EFNA3: variants seen among roughly 807,000 people sequenced by gnomAD.
The protein encoded by EFNA3 is ephrin-A3.
In EFNA3, 15 loss-of-function variants were observed where a neutral mutation model predicts 25.0. That is an observed-to-expected ratio of 0.60 (90% CI 0.40 to 0.92). EFNA3 has a LOEUF of 0.92. Among genes scored for constraint, EFNA3 ranks in the 40% least tolerant of loss-of-function variants. The pLI is 0.00. For missense variants in EFNA3, 298 were observed against 323.8 expected, an observed-to-expected ratio of 0.92 and a Z score of 0.61; for synonymous variants, 153 against 145.6, an observed-to-expected ratio of 1.05 and a Z score of -0.37.
At position 155,080,448 on chromosome 1, in the gene EFNA3, C is replaced by T. The variant is rs1291728159; in HGVS notation, c.128+1379C>T. On this transcript the variant is annotated intron_variant, in intron 1 of 4. Coordinates refer to ENST00000368408, the MANE Select transcript of EFNA3 (RefSeq NM_004952.5). The surrounding 1 kb of genome is among the most constrained non-coding windows in gnomAD (Gnocchi z 7.0). ...GGGTGGGGACGTGGCCCCTCCCCCC[C>T]GGAGCGGGACTCCAAGAACTCCGGG... Among the ~76,000 whole-genome samples, 2 of 152,188 alleles carry T rather than the reference C, an allele frequency of 1.3e-5. No homozygotes were observed. Among genetic ancestry groups the T allele is most frequent in the South Asian group, 2.1e-4 (1 of 4,826 alleles).
rs896982151 is a variant in EFNA3, at chr1:155,081,784, CTG to C, written c.128+2719_128+2720del. Among the ~76,000 whole-genome samples the C allele has an allele frequency of 1.7e-3, 256 of 152,332 alleles. 1 individual carries two copies. Among genetic ancestry groups the C allele is most frequent in the African/African-American group, 6.0e-3 (249 of 41,574 alleles). ...TCTCGGTTTCTGCGTCTCTCTCGCACTGTGTCTCCCTTCCTTTCCCCTTTCAG... is the reference window on the plus strand; with the variant it reads ...TCTCGGTTTCTGCGTCTCTCTCGCACTGTCTCCCTTCCTTTCCCCTTTCAG... On this transcript the variant is annotated intron_variant, in intron 1 of 4. Coordinates refer to ENST00000368408, the MANE Select transcript of EFNA3 (RefSeq NM_004952.5). The surrounding 1 kb of genome is among the most constrained non-coding windows in gnomAD (Gnocchi z 5.2).
chr1:155,084,993 G>T, intron 1 of EFNA3, 98 bp from the exon 2 acceptor site: 2 of 1,388,412 alleles, frequency 1.4e-6, no homozygotes, highest in Non-Finnish European at 2.0e-6. Context: ...AAAGTCGGAA[G>T]GCTACGCGGA....
chr1:155,080,351 C>T lies in EFNA3; in HGVS notation c.128+1282C>T, dbSNP rs962262807. On this transcript the variant is annotated intron_variant, in intron 1 of 4. Transcript: ENST00000368408. The surrounding 1 kb of genome is among the most constrained non-coding windows in gnomAD (Gnocchi z 7.0). The stretch of plus-strand genomic sequence containing the variant: ...GCGCCTCCCCCTCTCTCCCTCCTCG[C>T]GCCCGGAGTGTCAGACTGGGGGTGG... Among the ~76,000 whole-genome samples, 5 of 152,182 alleles carry T rather than the reference C, an allele frequency of 3.3e-5. No homozygotes were observed. Among genetic ancestry groups the T allele is most frequent in the Non-Finnish European group, 1.5e-5 (1 of 68,004 alleles).
Position 155,080,659 on chromosome 1 carries a change from G to A in EFNA3, c.128+1590G>A, listed in dbSNP as rs1397046127. On this transcript the variant is annotated intron_variant, in intron 1 of 4. Transcript: ENST00000368408. This position sits in a 1 kb window ranked among gnomAD's most constrained non-coding sequence, Gnocchi z 7.0. ...GGGAAGCCAGAGCCGGGGAGGATGC[G>A]GGAATAGGTTTGGTGGGGGGAGGTG... Among the ~76,000 whole-genome samples, 1 of 152,218 alleles carries A rather than the reference G, an allele frequency of 6.6e-6. No homozygotes were observed. The highest frequency in any genetic ancestry group is 1.5e-5 in the Non-Finnish European group (1 of 68,018).
rs1663317188 is a variant in EFNA3 at position 155,080,275 on chromosome 1, T to G, written c.128+1206T>G. On this transcript the variant is annotated intron_variant, in intron 1 of 4. Transcript: ENST00000368408. The surrounding 1 kb of genome is among the most constrained non-coding windows in gnomAD (Gnocchi z 7.0). ...CCGGGCGGCCGCGACCCCCAACCTC[T>G]CGGAGGAGGGGCTGCCGCTCGCCGC... is the stretch of plus-strand genomic sequence containing the variant. Among the ~76,000 whole-genome samples the G allele has an allele frequency of 6.6e-6, 1 of 152,000 alleles. No homozygotes were observed. Among genetic ancestry groups the G allele is most frequent in the Non-Finnish European group, 1.5e-5 (1 of 67,968 alleles).
chr1:155,086,282 G>A, intron 4 of EFNA3, 77 bp downstream of exon 4: 3 of 1,596,770 alleles, frequency 1.9e-6, no homozygotes, highest in African/African-American at 1.3e-5. Flanking sequence ...CACCTCGCAT[G>A]CCTTCCCTGG....
Position 155,085,580 on chromosome 1 carries a change from G to T in EFNA3, c.442+176G>T, listed in dbSNP as rs891960301. On this transcript the variant is annotated intron_variant, in intron 2 of 4. Transcript: ENST00000368408. The surrounding 1 kb of genome is among the most constrained non-coding windows in gnomAD (Gnocchi z 4.4). ...TGAGGGGTTCAGCTCAGACGAGGTC[G>T]TGGGGCCAAGAGAGGAGTTTGGTGA... The T allele has an allele frequency of 4.9e-6, 4 of 820,712 alleles. No homozygotes were observed. The Admixed American group carries it at 8.8e-5, about 18-fold the overall frequency. 50.8% of individuals were successfully genotyped at this position (820,712 alleles called of 1,614,324 possible). A position where few individuals can be genotyped will look rare whatever the true frequency, so the allele number is the denominator to read the frequency against.
rs767613249 is a variant in EFNA3, at chr1:155,085,892, A to G, written c.458A>G (p.Asn153Ser). ...EYYYISTPTH[N>S]LHWKCLRMKV... ...TCCTCCCCAGCCACGCCCACTCACA[A>G]CCTGCACTGGAAGTGTCTGAGGATG... The change falls in exon 3 of 5, where the codon AAC (asparagine) becomes AGC (serine). Residue 153 changes from asparagine (N) to serine (S), a missense_variant. Physicochemically the swap from Asn to Ser is conservative, Grantham distance 46. Coordinates refer to ENST00000368408, the MANE Select transcript of EFNA3 (RefSeq NM_004952.5). The surrounding 1 kb of genome is among the most constrained non-coding windows in gnomAD (Gnocchi z 4.4). 3.1e-6 allele frequency: 5 copies of G among 1,613,450 alleles called. No individual in the cohort carries two copies. The highest frequency in any genetic ancestry group is 2.2e-5 in the South Asian group (2 of 90,918).
chr1:155,086,311 C>T, intron 4 of EFNA3, 102 bp from the exon 5 acceptor site: 5 of 1,594,916 alleles, frequency 3.1e-6, no homozygotes, highest in Non-Finnish European at 4.3e-6. Flanking sequence ...ATACTTCCTA[C>T]CCTGTGGGTG....
chr1:155,080,471 G>A lies in EFNA3; in HGVS notation c.128+1402G>A, dbSNP rs560221803. Among the ~76,000 whole-genome samples the A allele has an allele frequency of 8.1e-4, 123 of 152,046 alleles. No individual in the cohort carries two copies. The highest frequency in any genetic ancestry group is 1.4e-3 in the Non-Finnish European group (95 of 67,962). ...CCCGGAGCGGGACTCCAAGAACTCCGGGGGGCGCTGGGGGCTGACTTTCCA... is the reference window on the plus strand; with the variant it reads ...CCCGGAGCGGGACTCCAAGAACTCCAGGGGGCGCTGGGGGCTGACTTTCCA... On this transcript the variant is annotated intron_variant, in intron 1 of 4. Transcript: ENST00000368408. This position sits in a 1 kb window ranked among gnomAD's most constrained non-coding sequence, Gnocchi z 7.0.
At position 155,080,979 on chromosome 1, in the gene EFNA3, G is replaced by A. The variant is rs553826795; in HGVS notation, c.128+1910G>A. ...CGGAGCCGAGAATGGAGAGGGCCGG[G>A]GAGCTGGGGGCGGGGCCGACCGAGC... On this transcript the variant is annotated intron_variant, in intron 1 of 4. Transcript: ENST00000368408. The surrounding 1 kb of genome is among the most constrained non-coding windows in gnomAD (Gnocchi z 7.0). Among the ~76,000 whole-genome samples, 91 of 152,262 alleles carry A rather than the reference G, an allele frequency of 6.0e-4. No individual in the cohort carries two copies. The highest frequency in any genetic ancestry group is 9.0e-4 in the Non-Finnish European group (61 of 67,984).
At position 155,079,060 on chromosome 1, in the gene EFNA3, C is replaced by G; in HGVS notation, c.119C>G (p.Ser40Cys). ...CGGCATGCGGTGTACTGGAACAGCT[C>G]CAACCAGCAGTGAGTCGGGGACCCT... ...GNRHAVYWNS[S>C]NQHLRREGYT... Residue 40 changes from serine to cysteine, a missense_variant, in exon 1 of 5, where the codon TCC becomes TGC. Coordinates refer to ENST00000368408, the MANE Select transcript of EFNA3 (RefSeq NM_004952.5). This position sits in a 1 kb window ranked among gnomAD's most constrained non-coding sequence, Gnocchi z 7.7. 7.4e-7 allele frequency: 1 copy of G among 1,357,322 alleles called. No homozygotes were observed. Among genetic ancestry groups the G allele is most frequent in the Non-Finnish European group, 9.5e-7 (1 of 1,049,390 alleles). 84.1% of individuals were successfully genotyped at this position (1,357,322 alleles called of 1,614,324 possible). A position where few individuals can be genotyped will look rare whatever the true frequency, so the allele number is the denominator to read the frequency against.
In EFNA3 at chr1:155,081,340, C is replaced by G. The variant is rs1490156499; in HGVS notation, c.128+2271C>G. On this transcript the variant is annotated intron_variant, in intron 1 of 4. Coordinates refer to ENST00000368408, the MANE Select transcript of EFNA3 (RefSeq NM_004952.5). This position sits in a 1 kb window ranked among gnomAD's most constrained non-coding sequence, Gnocchi z 5.2. Reference sequence around the variant, plus strand: ...TATGAGGTCGAGGAGTCCCCTAAGCCGGGAATCGAACTTGGTGAGGGGGGT... The same window carrying G: ...TATGAGGTCGAGGAGTCCCCTAAGCGGGGAATCGAACTTGGTGAGGGGGGT... Among the ~76,000 whole-genome samples, 1 of 152,166 alleles carries G rather than the reference C, an allele frequency of 6.6e-6. No individual in the cohort carries two copies. Among genetic ancestry groups the G allele is most frequent in the Non-Finnish European group, 1.5e-5 (1 of 68,038 alleles).
intron 1 of EFNA3, among the ~76,000 whole-genome samples, chr1:155,084,342 C>CAGTG (rs1663404741): frequency 6.6e-6 from 1 of 152,170 alleles, no homozygotes; most frequent in Non-Finnish European, 1.5e-5. Context: ...GTACAGAAGC[C>CAGTG]AGTGATACTG....
chr1:155,080,149 C>G lies in EFNA3; in HGVS notation c.128+1080C>G, dbSNP rs1663313808. ...GGGGACGCGGGGGTCACTGTCACAC[C>G]TGCCCGGGCGGTGGCGGCAGCACTG... is the stretch of plus-strand genomic sequence containing the variant. On this transcript the variant is annotated intron_variant, in intron 1 of 4. Transcript: ENST00000368408. The surrounding 1 kb of genome is among the most constrained non-coding windows in gnomAD (Gnocchi z 7.0). Among the ~76,000 whole-genome samples, 1 of 152,138 alleles carries G rather than the reference C, an allele frequency of 6.6e-6. No individual in the cohort carries two copies. Among genetic ancestry groups the G allele is most frequent in the African/African-American group, 2.4e-5 (1 of 41,426 alleles).
Position 155,085,031 on chromosome 1 carries a change from G to T in EFNA3, c.129-60G>T. The T allele has an allele frequency of 9.5e-6, 15 of 1,577,684 alleles. No individual in the cohort carries two copies. In the South Asian group the frequency reaches 1.6e-4, roughly 17 times the overall value. On this transcript the variant is annotated intron_variant, in intron 1 of 4. Transcript: ENST00000368408. This position sits in a 1 kb window ranked among gnomAD's most constrained non-coding sequence, Gnocchi z 4.4. ...CTGGGGAGGGGCTGCGGAGCGGTCAGATGGAAAGCGGCTTTGCTCTGGGGT... is the reference window on the plus strand; with the variant it reads ...CTGGGGAGGGGCTGCGGAGCGGTCATATGGAAAGCGGCTTTGCTCTGGGGT...
At position 155,078,945 on chromosome 1, in the gene EFNA3, GC is replaced by G; in HGVS notation, c.5del (p.Ala2GlyfsTer52). 7.1e-7 allele frequency: 1 copy of G among 1,405,602 alleles called. No homozygotes were observed. Among genetic ancestry groups the G allele is most frequent in the Admixed American group, 3.4e-5 (1 of 29,114 alleles). The allele number at this position is 1,405,602 out of a possible 1,614,324, so 87.1% of individuals were successfully genotyped here. A position where few individuals can be genotyped will look rare whatever the true frequency, so the allele number is the denominator to read the frequency against. On this transcript the variant is annotated frameshift_variant, in exon 1 of 5. Transcript: ENST00000368408. LOFTEE classifies it high-confidence loss of function. Reference protein sequence around the residue: MAAAPLLLLLLL... With the variant: MXAAPLLLLLLL... The stretch of plus-strand genomic sequence containing the variant: ...GGCGGCGGCGGCGGCTCCGGGGATG[GC>G]GGCGGCTCCGCTGCTGCTGCTGCTG...
chr1:155,080,799 C>T lies in EFNA3; in HGVS notation c.128+1730C>T, dbSNP rs1663328672. 6.6e-6 allele frequency among the ~76,000 whole-genome samples: 1 copy of T among 152,204 alleles called. No individual in the cohort carries two copies. The highest frequency in any genetic ancestry group is 1.5e-5 in the Non-Finnish European group (1 of 68,026). On this transcript the variant is annotated intron_variant, in intron 1 of 4. Coordinates refer to ENST00000368408, the MANE Select transcript of EFNA3 (RefSeq NM_004952.5). The surrounding 1 kb of genome is among the most constrained non-coding windows in gnomAD (Gnocchi z 7.0). The stretch of plus-strand genomic sequence containing the variant: ...TCTGTCCTCTCTACTCCGTGCGGGC[C>T]TGGGCCGGCAGAGGTAGGAGGGGGC...
In EFNA3 at chr1:155,078,973, T is replaced by A. The variant is rs1028947345; in HGVS notation, c.32T>A (p.Leu11Gln). Residue 11 changes from leucine to glutamine, a missense_variant, in exon 1 of 5, where the codon CTG (leucine) becomes CAG (glutamine). Leu to Gln is a moderately radical substitution (Grantham distance 113, BLOSUM62 -2). Coordinates refer to ENST00000368408, the MANE Select transcript of EFNA3 (RefSeq NM_004952.5). MAAAPLLLLL[L>Q]LVPVPLLPLL... ...GCGGCTCCGCTGCTGCTGCTGCTGCTGCTCGTGCCCGTGCCGCTGCTGCCG... is the reference window on the plus strand; with the variant it reads ...GCGGCTCCGCTGCTGCTGCTGCTGCAGCTCGTGCCCGTGCCGCTGCTGCCG... The A allele has an allele frequency of 2.8e-6, 4 of 1,430,950 alleles. No individual in the cohort carries two copies. Among genetic ancestry groups the A allele is most frequent in the Non-Finnish European group, 3.7e-6 (4 of 1,090,868 alleles). 88.6% of individuals were successfully genotyped at this position (1,430,950 alleles called of 1,614,324 possible). A position where few individuals can be genotyped will look rare whatever the true frequency, so the allele number is the denominator to read the frequency against.
Sources: gnomAD v4.1 joint callset for allele counts (sites outside exome capture counted in the v4.1 genomes callset) on GRCh38, gnomAD v4.1.1 for gene constraint, Gnocchi (gnomAD v3.1) non-coding constraint, MANE v1.5 for transcripts, NCBI Gene and HGNC (gene_info 2026-07-23, HGNC 2026-07-21) for gene names.